The following LRRTM4 variants were observed in gnomAD, a reference collection of about 807,000 sequenced individuals.
The protein encoded by LRRTM4 is leucine rich repeat transmembrane neuronal 4.
LRRTM4 carries 25 observed loss-of-function variants against 47.6 expected under a neutral mutation model. That is an observed-to-expected ratio of 0.53 (90% CI 0.38 to 0.73). The LOEUF is 0.73. Ranked by LOEUF, LRRTM4 falls within the 30% of genes least tolerant of loss-of-function variation. The pLI, the probability that LRRTM4 is intolerant of heterozygous loss-of-function variation, is 0.00. For missense variants in LRRTM4, 638 were observed against 713.4 expected, an observed-to-expected ratio of 0.89 and a Z score of 1.20; for synonymous variants, 311 against 269.5, an observed-to-expected ratio of 1.15 and a Z score of -1.51.
chr2:77,493,288 T>A (rs1678240224), intron 3 of LRRTM4, among the ~76,000 whole-genome samples: 1 of 151,978 alleles, frequency 6.6e-6, no homozygotes, highest in Non-Finnish European at 1.5e-5. Flanking sequence ...TTAATAAATG[T>A]CAAACAGGGA....
At chr2:77,027,533 T>C (rs112215347) in intron 3 of LRRTM4, among the ~76,000 whole-genome samples, 2 of 152,142 alleles carry the variant, frequency 1.3e-5, no homozygotes, top group African/African-American at 4.8e-5. Flanking sequence ...GGAAACTATT[T>C]ACCAATCAGT....
At chr2:77,293,163 A>G (rs964888497) in intron 3 of LRRTM4, among the ~76,000 whole-genome samples, 3 of 152,124 alleles carry the variant, frequency 2.0e-5, no homozygotes, top group African/African-American at 7.2e-5. Flanking sequence ...GGAAGAAAAA[A>G]GTGTCATTAA....
chr2:77,122,443 A>G (rs1271418310), intron 3 of LRRTM4, among the ~76,000 whole-genome samples: 4 of 150,602 alleles, frequency 2.7e-5, no homozygotes, highest in African/African-American at 7.3e-5. Flanking sequence ...ATAGATATAC[A>G]TATTATACAC....
At chr2:76,891,801 T>C (rs1293629041) in intron 3 of LRRTM4, among the ~76,000 whole-genome samples, 2 of 151,662 alleles carry the variant, frequency 1.3e-5, no homozygotes, top group African/African-American at 2.4e-5. Context: ...TAAATGATAA[T>C]AGATGAAGCC....
intron 3 of LRRTM4, among the ~76,000 whole-genome samples, chr2:76,810,400 A>G (rs570356778): frequency 6.6e-6 from 1 of 152,352 alleles, no homozygotes; most frequent in South Asian, 2.1e-4. Flanking sequence ...ATAAAATAGA[A>G]TAACTGTTTT....
intron 3 of LRRTM4, among the ~76,000 whole-genome samples, chr2:76,921,832 C>A (rs1313132802): frequency 6.6e-6 from 1 of 152,030 alleles, no homozygotes; most frequent in East Asian, 1.9e-4. Context: ...TTAGAATCAG[C>A]CATTTTTTAT....
At chr2:77,450,883 C>T (rs946239020) in intron 3 of LRRTM4, among the ~76,000 whole-genome samples, 2 of 152,016 alleles carry the variant, frequency 1.3e-5, no homozygotes, top group Non-Finnish European at 2.9e-5. Context: ...ATATTATTTC[C>T]CTACTGAAAA....
chr2:77,127,247 A>C (rs1558593355), intron 3 of LRRTM4, among the ~76,000 whole-genome samples: 1 of 152,354 alleles, frequency 6.6e-6, no homozygotes, highest in East Asian at 1.9e-4. Flanking sequence ...AGCCCAAAAC[A>C]GCTGTAGCTT....
At chr2:76,750,364 C>T (rs147843650) in intron 3 of LRRTM4, among the ~76,000 whole-genome samples, 207 of 152,302 alleles carry the variant, frequency 1.4e-3, no homozygotes, top group African/African-American at 4.8e-3. Flanking sequence ...TTCGTTCCCT[C>T]AGCCCTGTAA....
Position 77,260,461 on chromosome 2 carries a change from C to T in LRRTM4, c.1551+257857G>A, listed in dbSNP as rs191148625. Among the ~76,000 whole-genome samples, 96 of 150,526 alleles carry T rather than the reference C, an allele frequency of 6.4e-4. 1 individual carries two copies. Among genetic ancestry groups the T allele is most frequent in the South Asian group, 4.0e-3 (19 of 4,788 alleles). ...CAACGAACAGTTGTGATTTATAATA[C>T]AGTACTATACAAGTGGATAACAATA... On this transcript the variant is annotated intron_variant, in intron 3 of 3. Transcript: ENST00000409884.
At chr2:77,117,650 C>T (rs58936600) in intron 3 of LRRTM4, among the ~76,000 whole-genome samples, 4,399 of 151,844 alleles carry the variant, frequency 0.029, 211 homozygotes, top group African/African-American at 0.1. Flanking sequence ...CACTTAAATT[C>T]GTGCAACAAA....
At chr2:77,040,279 T>G (rs1678982537) in intron 3 of LRRTM4, among the ~76,000 whole-genome samples, 1 of 151,418 alleles carries the variant, frequency 6.6e-6, no homozygotes, top group South Asian at 2.1e-4. Context: ...AAAATCATGA[T>G]GTATGCAAAT....
intron 3 of LRRTM4, chr2:77,009,858 G>A (rs1677801642): frequency 6.6e-6 from 1 of 151,770 alleles, no homozygotes; most frequent in South Asian, 2.1e-4. Flanking sequence ...ACCATCTAAA[G>A]AAGACCTCTT....
At chr2:76,980,475 A>AT (rs1676567047) in intron 3 of LRRTM4, among the ~76,000 whole-genome samples, 1 of 152,136 alleles carries the variant, frequency 6.6e-6, no homozygotes, top group Admixed American at 6.6e-5. Context: ...AACAGATGGA[A>AT]TAGTCCTACT....
intron 3 of LRRTM4, among the ~76,000 whole-genome samples, chr2:77,427,548 T>C (rs1675171800): frequency 6.6e-6 from 1 of 152,218 alleles, no homozygotes; most frequent in South Asian, 2.1e-4. Context: ...AAACTCTCAT[T>C]TATTGATAGT....
intron 3 of LRRTM4, among the ~76,000 whole-genome samples, chr2:76,958,425 C>T (rs943509783): frequency 2.6e-5 from 4 of 151,834 alleles, no homozygotes; most frequent in Non-Finnish European, 4.4e-5. Flanking sequence ...GCACCCACCC[C>T]TACGCAGAGG....
rs551737529 is a variant in LRRTM4, at chr2:76,860,564, G to A, written c.1552-111648C>T. Among the ~76,000 whole-genome samples the A allele has an allele frequency of 2.0e-5, 3 of 152,184 alleles. No homozygotes were observed. In the South Asian group the frequency reaches 6.2e-4, roughly 32 times the overall value. The stretch of plus-strand genomic sequence containing the variant: ...AAAGAATTTTGCTGTGTGTGTGCAT[G>A]TGTGTGTGCGTGTGTGTGTATTGCT... On this transcript the variant is annotated intron_variant, in intron 3 of 3. Transcript: ENST00000409884.
Position 76,812,673 on chromosome 2 carries a change from C to CTTTCTTTCTTTCTT in LRRTM4, c.1552-63758_1552-63757insAAGAAAGAAAGAAA, listed in dbSNP as rs1553413488. On this transcript the variant is annotated intron_variant, in intron 3 of 3. Transcript: ENST00000409884. The stretch of plus-strand genomic sequence containing the variant: ...TATGAAGGAGACTGTTACAAATAAG[C>CTTTCTTTCTTTCTT]TCTTTCTTTCTTTCTTTCTTTCTTT... 6.2e-3 allele frequency among the ~76,000 whole-genome samples: 915 copies of CTTTCTTTCTTTCTT among 147,934 alleles called. 7 individuals are homozygous for CTTTCTTTCTTTCTT. Among genetic ancestry groups the CTTTCTTTCTTTCTT allele is most frequent in the Middle Eastern group, 0.021 (6 of 288 alleles).
intron 3 of LRRTM4, among the ~76,000 whole-genome samples, chr2:77,230,372 A>G (rs2103968967): frequency 6.6e-6 from 1 of 152,262 alleles, no homozygotes; most frequent in Non-Finnish European, 1.5e-5. Context: ...TACTATGTAA[A>G]CTAGTAACAT....
Sources: gnomAD v4.1 joint callset for allele counts (sites outside exome capture counted in the v4.1 genomes callset) on GRCh38, gnomAD v4.1.1 for gene constraint, MANE v1.5 for transcripts, NCBI Gene and HGNC (gene_info 2026-07-23, HGNC 2026-07-21) for gene names.